The following MAD1L1 variants were observed in gnomAD, a reference collection of about 807,000 sequenced individuals.
The protein encoded by MAD1L1 is mitotic spindle assembly checkpoint protein MAD1.
In MAD1L1, 95 loss-of-function variants were observed where a neutral mutation model predicts 96.9. That is an observed-to-expected ratio of 0.98 (90% CI 0.83 to 1.16). MAD1L1 has a LOEUF of 1.16. MAD1L1 is among the 50% of genes most tolerant of loss of function. The pLI is 0.00. For synonymous variants in MAD1L1, 473 were observed against 396.6 expected (o/e 1.19, Z -2.29); for missense variants, 1,007 against 954.4 (o/e 1.06, Z -0.73).
intron 18 of MAD1L1, among the ~76,000 whole-genome samples, chr7:1,878,803 T>C (rs1785523351): frequency 7.0e-6 from 1 of 143,614 alleles, no homozygotes; most frequent in African/African-American, 2.6e-5. Context: ...GATAAGGAAA[T>C]ATAAGGCATA....
At chr7:1,950,341 C>T (rs62442924) in intron 16 of MAD1L1, among the ~76,000 whole-genome samples, 25,749 of 152,212 alleles carry the variant, frequency 0.17, 2,796 homozygotes, top group South Asian at 0.29. Flanking sequence ...GGCTCTGCCG[C>T]CCTCCTGCAC....
At chr7:2,180,743 G>A (rs1030789140) in intron 10 of MAD1L1, among the ~76,000 whole-genome samples, 1 of 152,054 alleles carries the variant, frequency 6.6e-6, no homozygotes, top group African/African-American at 2.4e-5. Context: ...TATTGATCTT[G>A]TATCCTGCAA....
At chr7:2,067,621 CG>C (rs1784938863) in intron 12 of MAD1L1, among the ~76,000 whole-genome samples, 2 of 152,064 alleles carry the variant, frequency 1.3e-5, no homozygotes, top group African/African-American at 4.8e-5. Context: ...GTGGTCAGCC[CG>C]AACCACCGCA....
At chr7:2,176,492 C>T (rs566629984) in intron 10 of MAD1L1, among the ~76,000 whole-genome samples, 8 of 152,032 alleles carry the variant, frequency 5.3e-5, no homozygotes, top group Non-Finnish European at 1.0e-4. Context: ...AAAAAAGAAA[C>T]AAAAGGTATA....
intron 11 of MAD1L1, among the ~76,000 whole-genome samples, chr7:2,121,831 G>A (rs896950413): frequency 2.0e-5 from 3 of 152,204 alleles, no homozygotes; most frequent in South Asian, 2.1e-4. Flanking sequence ...TGTCTGCCTC[G>A]CTCTCCACCC....
At chr7:1,953,186 C>T (rs533687951) in intron 16 of MAD1L1, among the ~76,000 whole-genome samples, 2 of 152,302 alleles carry the variant, frequency 1.3e-5, no homozygotes, top group South Asian at 2.1e-4. Context: ...TGTGAGGTAC[C>T]GCACCACCTG....
rs1780267275 is a variant in MAD1L1 at position 1,968,451 on chromosome 7, C to T, written c.1506-10732G>A. ...CAGGTCCACCGTCAACGCCAGCAGT[C>T]ATGTCCACCATCAATGCCTCAGTCC... On this transcript the variant is annotated intron_variant, in intron 15 of 18. Coordinates refer to ENST00000265854, the MANE Select transcript of MAD1L1 (RefSeq NM_001013836.2). This position sits in a 1 kb window ranked among gnomAD's most constrained non-coding sequence, Gnocchi z 5.6. 6.6e-6 allele frequency among the ~76,000 whole-genome samples: 1 copy of T among 151,356 alleles called. No homozygotes were observed. The highest frequency in any genetic ancestry group is 2.4e-5 in the African/African-American group (1 of 41,084).
At chr7:1,966,433 G>A (rs1780168697) in intron 15 of MAD1L1, among the ~76,000 whole-genome samples, 1 of 152,032 alleles carries the variant, frequency 6.6e-6, no homozygotes, top group Non-Finnish European at 1.5e-5. Context: ...CCACAAGACG[G>A]CCCATGCAGA....
intron 10 of MAD1L1, among the ~76,000 whole-genome samples, chr7:2,198,399 C>T (rs571396566): frequency 1.3e-5 from 2 of 152,188 alleles, no homozygotes; most frequent in Admixed American, 6.5e-5. Context: ...CAGCCAGGTA[C>T]ACACCCCCCT....
intron 10 of MAD1L1, among the ~76,000 whole-genome samples, chr7:2,156,368 C>A (rs1789847112): frequency 6.6e-6 from 1 of 152,226 alleles, no homozygotes; most frequent in Non-Finnish European, 1.5e-5. Context: ...CATGGACCAC[C>A]TGCACCAGAG....
chr7:1,950,724 G>T (rs1779453929), intron 16 of MAD1L1, among the ~76,000 whole-genome samples: 1 of 152,230 alleles, frequency 6.6e-6, no homozygotes, highest in East Asian at 1.9e-4. Context: ...GGCCCACAGG[G>T]GGAGGGTGCT....
intron 10 of MAD1L1, among the ~76,000 whole-genome samples, chr7:2,162,856 T>A (rs983327808): frequency 1.4e-4 from 22 of 151,800 alleles, no homozygotes; most frequent in African/African-American, 5.3e-4. Flanking sequence ...CATGAGTCCA[T>A]TAATTGGAGT....
chr7:2,069,056 T>C (rs1785006477), intron 12 of MAD1L1, 138 bp downstream of exon 12: 2 of 1,174,112 alleles, frequency 1.7e-6, no homozygotes, highest in South Asian at 3.4e-5. Flanking sequence ...CCCAGAACCC[T>C]CCTGGCAACC....
At chr7:1,908,427 G>A (rs189274600) in intron 17 of MAD1L1, among the ~76,000 whole-genome samples, 2 of 152,312 alleles carry the variant, frequency 1.3e-5, no homozygotes, top group Admixed American at 1.3e-4. Context: ...TGTCACCCAG[G>A]CTGGAGTGCA....
At chr7:2,004,405 A>C (rs1399764236) in intron 13 of MAD1L1, among the ~76,000 whole-genome samples, 3 of 152,252 alleles carry the variant, frequency 2.0e-5, no homozygotes, top group Admixed American at 6.5e-5. Flanking sequence ...CTCAGGTGAC[A>C]GCTACAGGTG....
chr7:2,205,462 A>AC (rs1396256734), intron 10 of MAD1L1, among the ~76,000 whole-genome samples: 1 of 152,016 alleles, frequency 6.6e-6, no homozygotes, highest in Admixed American at 6.6e-5. Flanking sequence ...TGGACTTGTG[A>AC]CCCCATCTCC....
chr7:1,975,030 G>A (rs990828912), intron 15 of MAD1L1, among the ~76,000 whole-genome samples: 31 of 152,374 alleles, frequency 2.0e-4, no homozygotes, highest in Admixed American at 1.2e-3. Context: ...CGCAGGGGCC[G>A]CTGTCGCTAC....
In MAD1L1 at chr7:2,119,700, T is replaced by C. The variant is rs546953833; in HGVS notation, c.1073+29452A>G. ...TGACAATGCACCCCGAAACCCAGAG[T>C]GCTCCTGAGGAGGGAGAGCCTGCCA... On this transcript the variant is annotated intron_variant, in intron 11 of 18. Coordinates refer to ENST00000265854, the MANE Select transcript of MAD1L1 (RefSeq NM_001013836.2). This position sits in a 1 kb window ranked among gnomAD's most constrained non-coding sequence, Gnocchi z 4.6. Among the ~76,000 whole-genome samples, 109 of 152,042 alleles carry C rather than the reference T, an allele frequency of 7.2e-4. 1 individual carries two copies. In the South Asian group the frequency reaches 0.02, roughly 28 times the overall value.
At chr7:2,087,880 C>G (rs3778956) in intron 11 of MAD1L1, among the ~76,000 whole-genome samples, 27,781 of 152,096 alleles carry the variant, frequency 0.18, 2,911 homozygotes, top group Middle Eastern at 0.33. Flanking sequence ...CAAGACAGCA[C>G]GGCGCTAGCA....
Sources: gnomAD v4.1 joint callset for allele counts (sites outside exome capture counted in the v4.1 genomes callset) on GRCh38, gnomAD v4.1.1 for gene constraint, Gnocchi (gnomAD v3.1) non-coding constraint, MANE v1.5 for transcripts, NCBI Gene and HGNC (gene_info 2026-07-23, HGNC 2026-07-21) for gene names.